Variants in ADAMTS9 observed in about 807,000 individuals in gnomAD.
ADAMTS9 encodes the protein A disintegrin and metalloproteinase with thrombospondin motifs 9.
A neutral mutation model predicts 257.1 loss-of-function variants in ADAMTS9; 107 were observed. That is an observed-to-expected ratio of 0.42 (90% CI 0.36 to 0.49). The LOEUF is 0.49. Ranked by LOEUF, ADAMTS9 falls within the 20% of genes least tolerant of loss-of-function variation. The pLI is 0.03. For synonymous variants in ADAMTS9, 982 were observed against 880.9 expected (o/e 1.11, Z -2.03); for missense variants, 2,353 against 2,469.1 (o/e 0.95, Z 1.00).
At chr3:64,656,086 C>G (rs952372564) in intron 4 of ADAMTS9, 1 of 459,340 alleles carries the variant, frequency 2.2e-6, no homozygotes, top group Non-Finnish European at 4.0e-6. Context: ...TGAATTCAAA[C>G]AAATTTAAAT....
Position 64,539,118 on chromosome 3 carries a change from T to G in ADAMTS9, c.5613+85A>C. ...CTCTAGAGCAACTGTTCTAATCACA[T>G]TCCCAGGAACAGATGCAACTGAGGA... On this transcript the variant is annotated intron_variant, in intron 37 of 39. Transcript: ENST00000498707. The G allele has an allele frequency of 2.9e-6, 4 of 1,371,330 alleles. No homozygotes were observed. The South Asian group carries it at 4.7e-5, about 16-fold the overall frequency. The allele number at this position is 1,371,330 out of a possible 1,614,324, so 84.9% of individuals were successfully genotyped here. A position where few individuals can be genotyped will look rare whatever the true frequency, so the allele number is the denominator to read the frequency against.
At chr3:64,568,312 G>A in intron 29 of ADAMTS9, 56 bp downstream of exon 29, 8 of 1,556,402 alleles carry the variant, frequency 5.1e-6, no homozygotes, top group Non-Finnish European at 6.9e-6. Context: ...ACACACTGGG[G>A]TCAGCCACGT....
chr3:64,622,059 C>T, intron 18 of ADAMTS9, 139 bp downstream of exon 18: 1 of 904,026 alleles, frequency 1.1e-6, no homozygotes, highest in Non-Finnish European at 1.5e-6. Context: ...AATGACCAGA[C>T]ACATTCAAAG....
chr3:64,566,269 G>C (rs948130121), intron 29 of ADAMTS9, among the ~76,000 whole-genome samples: 2 of 152,070 alleles, frequency 1.3e-5, no homozygotes, highest in Non-Finnish European at 2.9e-5. Context: ...TAACCACTGG[G>C]TCTGATTATT....
chr3:64,546,691 A>G, intron 32 of ADAMTS9, 67 bp downstream of exon 32: 1 of 1,480,976 alleles, frequency 6.8e-7, no homozygotes, highest in Non-Finnish European at 9.1e-7. Flanking sequence ...CGGGTTAGGC[A>G]GGACATGTTT....
At chr3:64,520,310 A>C (rs1383857155) in intron 39 of ADAMTS9, among the ~76,000 whole-genome samples, 1 of 152,142 alleles carries the variant, frequency 6.6e-6, no homozygotes, top group Non-Finnish European at 1.5e-5. Context: ...AAATAGAAAA[A>C]CGTTCCATGC....
At chr3:64,619,626 A>G (rs576252751) in intron 19 of ADAMTS9, among the ~76,000 whole-genome samples, 53 of 152,294 alleles carry the variant, frequency 3.5e-4, no homozygotes, top group Middle Eastern at 3.4e-3. Context: ...TAATGGGATA[A>G]TATAAGAACA....
intron 20 of ADAMTS9, 135 bp from the exon 21 acceptor site, chr3:64,615,620 G>C: frequency 1.0e-6 from 1 of 956,448 alleles, no homozygotes; most frequent in East Asian, 2.7e-5. Context: ...TTTTGGTGGA[G>C]ATCTTTTCAT....
At chr3:64,531,243 C>T (rs1182051074) in intron 38 of ADAMTS9, among the ~76,000 whole-genome samples, 3 of 152,048 alleles carry the variant, frequency 2.0e-5, no homozygotes, top group Non-Finnish European at 2.9e-5. Context: ...CCCAATTGGA[C>T]GTTTCTCCTC....
chr3:64,621,734 C>T (rs1048953412), intron 18 of ADAMTS9, among the ~76,000 whole-genome samples: 3 of 150,152 alleles, frequency 2.0e-5, no homozygotes, highest in Non-Finnish European at 2.9e-5. Flanking sequence ...TGCACTCCAG[C>T]CTGGGCGACA....
At chr3:64,608,241 T>A (rs1178896290) in intron 22 of ADAMTS9, among the ~76,000 whole-genome samples, 39 of 30,922 alleles carry the variant, frequency 1.3e-3, no homozygotes, top group Admixed American at 3.3e-3. Flanking sequence ...ACTACAAAAT[T>A]AACAGCAAAC....
intron 38 of ADAMTS9, 200 bp from the exon 39 acceptor site, chr3:64,522,460 T>C: frequency 2.2e-6 from 1 of 453,390 alleles, no homozygotes; most frequent in East Asian, 3.5e-5. Context: ...CACCTGTTTC[T>C]GTATGGCTTG....
Position 64,651,940 on chromosome 3 carries a change from C to G in ADAMTS9, c.1317-777G>C, listed in dbSNP as rs138338102. On this transcript the variant is annotated intron_variant, in intron 8 of 39. Coordinates refer to ENST00000498707, the MANE Select transcript of ADAMTS9 (RefSeq NM_182920.2). Reference sequence around the variant, plus strand: ...GTCCTTATGGGCCTGGAAGGGAATGCAGCAGCATGAACACATATTTGCCAT... The same window carrying G: ...GTCCTTATGGGCCTGGAAGGGAATGGAGCAGCATGAACACATATTTGCCAT... Among the ~76,000 whole-genome samples the G allele has an allele frequency of 3.3e-5, 5 of 152,296 alleles. No homozygotes were observed. The East Asian group carries it at 9.6e-4, about 29-fold the overall frequency.
At chr3:64,623,470 C>T (rs1291823553) in intron 16 of ADAMTS9, among the ~76,000 whole-genome samples, 2 of 152,170 alleles carry the variant, frequency 1.3e-5, no homozygotes, top group Non-Finnish European at 2.9e-5. Context: ...TACTACATTC[C>T]TAACTGCCAT....
At chr3:64,659,473 C>CAAAAA (rs60660621) in intron 3 of ADAMTS9, among the ~76,000 whole-genome samples, 3 of 90,658 alleles carry the variant, frequency 3.3e-5, no homozygotes, top group Non-Finnish European at 4.4e-5. Context: ...CTGTCTCAAA[C>CAAAAA]AAAAAAAAAA....
At chr3:64,565,677 A>G (rs2083527152) in intron 29 of ADAMTS9, 1 of 152,230 alleles carries the variant, frequency 6.6e-6, no homozygotes, top group Non-Finnish European at 1.5e-5. Flanking sequence ...CGCTTTTTGT[A>G]TCATGGGAAT....
At chr3:64,537,910 A>C (rs1180242801) in intron 37 of ADAMTS9, among the ~76,000 whole-genome samples, 1 of 152,212 alleles carries the variant, frequency 6.6e-6, no homozygotes, top group Non-Finnish European at 1.5e-5. Flanking sequence ...GCCCGAGCTG[A>C]TTATGACAAA....
intron 36 of ADAMTS9, 62 bp from the exon 37 acceptor site, chr3:64,539,356 G>A (rs2083091731): frequency 1.5e-6 from 2 of 1,371,814 alleles, no homozygotes; most frequent in African/African-American, 2.9e-5. Context: ...GGCAAGGAAG[G>A]AACAGGACAT....
intron 11 of ADAMTS9, among the ~76,000 whole-genome samples, chr3:64,642,985 C>T (rs1231927175): frequency 6.6e-6 from 1 of 152,144 alleles, no homozygotes; most frequent in Non-Finnish European, 1.5e-5. Flanking sequence ...GCTTGGTAAA[C>T]AATTATTTAA....
Sources: gnomAD v4.1 joint callset for allele counts (sites outside exome capture counted in the v4.1 genomes callset) on GRCh38, gnomAD v4.1.1 for gene constraint, MANE v1.5 for transcripts, NCBI Gene and HGNC (gene_info 2026-07-23, HGNC 2026-07-21) for gene names.